Variants in HIVEP3 observed in about 807,000 individuals in gnomAD.
HIVEP3 encodes transcription factor HIVEP3.
A neutral mutation model predicts 152.8 loss-of-function variants in HIVEP3; 49 were observed. The observed-to-expected ratio is 0.32, with a 90% CI of 0.26 to 0.41. The LOEUF (loss-of-function observed/expected upper bound fraction) is 0.41, where lower values mean the gene tolerates loss of function less well. Ranked by LOEUF, HIVEP3 falls within the 10% of genes least tolerant of loss-of-function variation. HIVEP3 has a pLI of 1.00. For missense variants in HIVEP3, 2,790 were observed against 3,103.3 expected (o/e 0.90, Z 2.40); for synonymous variants, 1,269 against 1,289.0 (o/e 0.98, Z 0.33).
At chr1:41,830,044 A>G (rs1275774237) in intron 1 of HIVEP3, among the ~76,000 whole-genome samples, 4 of 152,240 alleles carry the variant, frequency 2.6e-5, no homozygotes, top group Admixed American at 2.6e-4. Context: ...GAACATATTC[A>G]GGTGTGATGC....
chr1:41,696,551 G>A (rs1420376068), intron 2 of HIVEP3, among the ~76,000 whole-genome samples: 4 of 152,224 alleles, frequency 2.6e-5, no homozygotes, highest in Admixed American at 6.5e-5. Flanking sequence ...ATGTGCACCC[G>A]CCAGACACAC....
intron 1 of HIVEP3, among the ~76,000 whole-genome samples, chr1:41,882,374 C>G (rs1045297169): frequency 6.6e-6 from 1 of 152,192 alleles, no homozygotes; most frequent in Non-Finnish European, 1.5e-5. Context: ...TACAACTGAG[C>G]AGACCCTACT....
intron 2 of HIVEP3, among the ~76,000 whole-genome samples, chr1:41,670,770 G>A (rs1390249268): frequency 6.6e-6 from 1 of 152,178 alleles, no homozygotes; most frequent in Admixed American, 6.5e-5. Context: ...ATTAAGCCAC[G>A]CAGTTACTAG....
chr1:41,878,468 A>G (rs1333537288), intron 1 of HIVEP3, among the ~76,000 whole-genome samples: 2 of 152,222 alleles, frequency 1.3e-5, no homozygotes, highest in African/African-American at 2.4e-5. Flanking sequence ...TTTCATTAGC[A>G]TAAATCTGAA....
In HIVEP3 at chr1:41,639,010, CCACCCTCCTGA is replaced by C. The variant is rs573041567; in HGVS notation, c.-720-10074_-720-10064del. 1.4e-4 allele frequency among the ~76,000 whole-genome samples: 21 copies of C among 152,332 alleles called. No individual in the cohort carries two copies. The East Asian group carries it at 3.9e-3, about 28-fold the overall frequency. ...AAGAAGGCTGGCCCTGAGGCCCCTG[CCACCCTCCTGA>C]CACCCTCCTGACACGTGGCCCTTCC... On this transcript the variant is annotated intron_variant, in intron 2 of 8. Transcript: ENST00000372583.
chr1:41,727,473 TGGG>T (rs1386719664), intron 1 of HIVEP3, among the ~76,000 whole-genome samples: 1 of 151,976 alleles, frequency 6.6e-6, no homozygotes, highest in Non-Finnish European at 1.5e-5. Flanking sequence ...AGGGGTGGGC[TGGG>T]GGGACACTGC....
chr1:41,602,267 T>C (rs1395681857), intron 3 of HIVEP3, among the ~76,000 whole-genome samples: 1 of 152,194 alleles, frequency 6.6e-6, no homozygotes, highest in East Asian at 1.9e-4. Flanking sequence ...TAAAATGAGT[T>C]TGGAGGTGTT....
At chr1:42,000,451 C>T (rs1645420975) in intron 1 of HIVEP3, among the ~76,000 whole-genome samples, 2 of 152,172 alleles carry the variant, frequency 1.3e-5, no homozygotes, top group South Asian at 4.1e-4. Flanking sequence ...AGGCACAAGT[C>T]ACCTTCATGG....
In HIVEP3 at chr1:41,580,918, C is replaced by T. The variant is rs769000363; in HGVS notation, c.3880G>A (p.Ala1294Thr). Residue 1294 changes from alanine (A) to threonine (T), a missense_variant, in exon 4 of 9, where the codon GCC (alanine) becomes ACC (threonine). Ala to Thr is a moderately conservative substitution (Grantham distance 58). Transcript: ENST00000372583. ...DIRLPPVAPP[A>T]SSSAPTSAPP... ...GCTGATGTAGGTGCTGAGGAGCTGG[C>T]TGGGGGAGCCACAGGGGGTAGCCGG... 1 of 1,612,622 alleles carries T rather than the reference C, an allele frequency of 6.2e-7. No homozygotes were observed. Among genetic ancestry groups the T allele is most frequent in the Non-Finnish European group, 8.5e-7 (1 of 1,179,414 alleles).
chr1:41,723,501 C>CCACACA (rs35823066), intron 1 of HIVEP3, among the ~76,000 whole-genome samples: 195 of 146,550 alleles, frequency 1.3e-3, no homozygotes, highest in South Asian at 0.012. Flanking sequence ...CACACAGCCA[C>CCACACA]CACACACACA....
At chr1:41,889,320 G>T (rs952950582) in intron 1 of HIVEP3, among the ~76,000 whole-genome samples, 1 of 152,174 alleles carries the variant, frequency 6.6e-6, no homozygotes, top group Non-Finnish European at 1.5e-5. Context: ...GGAAACCTTA[G>T]TTGCAGCTTT....
chr1:41,814,885 T>G (rs545888477), intron 1 of HIVEP3, among the ~76,000 whole-genome samples: 1 of 152,196 alleles, frequency 6.6e-6, no homozygotes, highest in Non-Finnish European at 1.5e-5. Flanking sequence ...TTACTGAGTG[T>G]AAAAGGCATA....
intron 6 of HIVEP3, among the ~76,000 whole-genome samples, chr1:41,519,250 T>A (rs1412822094): frequency 6.6e-6 from 1 of 152,186 alleles, no homozygotes; most frequent in East Asian, 1.9e-4. Flanking sequence ...GCTCCATGCC[T>A]ACAAAGCCCT....
chr1:41,845,443 ACACACACACACACACG>A (rs981264153), intron 1 of HIVEP3, among the ~76,000 whole-genome samples: 2 of 151,016 alleles, frequency 1.3e-5, no homozygotes, highest in Non-Finnish European at 3.0e-5. Flanking sequence ...ACACACACAC[ACACACACACACACACG>A]CCTCTTTCTG....
chr1:41,517,721 G>T (rs977737758), intron 7 of HIVEP3, among the ~76,000 whole-genome samples: 1 of 152,194 alleles, frequency 6.6e-6, no homozygotes, highest in Non-Finnish European at 1.5e-5. Context: ...GCTGAGGCTG[G>T]GCAGTGCTCA....
intron 1 of HIVEP3, among the ~76,000 whole-genome samples, chr1:41,838,538 G>A (rs375281972): frequency 3.5e-4 from 53 of 152,072 alleles, no homozygotes; most frequent in African/African-American, 9.4e-4. Flanking sequence ...ACATTGTCTC[G>A]TCCTTACCCA....
chr1:41,848,628 C>T (rs186575670), intron 1 of HIVEP3, among the ~76,000 whole-genome samples: 123 of 152,120 alleles, frequency 8.1e-4, no homozygotes, highest in African/African-American at 2.9e-3. Flanking sequence ...GAAGGAGGGA[C>T]CCAGGAATGG....
chr1:41,537,637 A>ATAT (rs1162682544), intron 5 of HIVEP3, among the ~76,000 whole-genome samples: 1 of 152,246 alleles, frequency 6.6e-6, no homozygotes, highest in African/African-American at 2.4e-5. Flanking sequence ...TCTCTTAAAA[A>ATAT]TATTCAGTGG....
chr1:41,707,092 G>A lies in HIVEP3; in HGVS notation c.-800-6097C>T, dbSNP rs907369539. 4.3e-4 allele frequency among the ~76,000 whole-genome samples: 65 copies of A among 152,228 alleles called. 1 individual carries two copies. Among genetic ancestry groups the A allele is most frequent in the Admixed American group, 4.3e-3 (65 of 15,290 alleles). ...AGACAGATAAAGGCAGGGTACTCTG[G>A]TGGAAGCTGTGCTGGGTATATTTCA... is the stretch of plus-strand genomic sequence containing the variant. On this transcript the variant is annotated intron_variant, in intron 1 of 8. Transcript: ENST00000372583.
Sources: gnomAD v4.1 joint callset for allele counts (sites outside exome capture counted in the v4.1 genomes callset) on GRCh38, gnomAD v4.1.1 for gene constraint, MANE v1.5 for transcripts, NCBI Gene and HGNC (gene_info 2026-07-23, HGNC 2026-07-21) for gene names.